STXBP3: variants seen among roughly 807,000 people sequenced by gnomAD.
STXBP3 encodes the protein syntaxin binding protein 3.
Under a neutral mutation model 85.7 loss-of-function variants are expected in STXBP3, and 41 were observed. The ratio of observed to expected loss-of-function variants is 0.48; its 90% CI spans 0.37 to 0.62. The LOEUF (loss-of-function observed/expected upper bound fraction) is 0.62. STXBP3 is among the 20% of genes least tolerant of loss of function. The pLI, the probability that STXBP3 is intolerant of heterozygous loss-of-function variation, is 0.00. For missense variants in STXBP3, 563 were observed against 703.1 expected, an observed-to-expected ratio of 0.80 and a Z score of 2.25; for synonymous variants, 229 against 231.7, an observed-to-expected ratio of 0.99 and a Z score of 0.10.
chr1:108,756,788 A>G, intron 4 of STXBP3, 22 bp downstream of exon 4: 2 of 1,542,772 alleles, frequency 1.3e-6, no homozygotes, highest in South Asian at 2.5e-5. Context: ...GAGACCTTAA[A>G]AAGCAGGTTC....
In STXBP3 at chr1:108,807,537, G is replaced by A. The variant is rs771539840; in HGVS notation, c.1672G>A (p.Glu558Lys). Residue 558 changes from glutamate (E) to lysine (K), a missense_variant, in exon 18 of 19, where the codon GAA becomes AAA. By Grantham distance (56) the Glu-to-Lys change is moderately conservative. Coordinates refer to ENST00000370008, the MANE Select transcript of STXBP3 (RefSeq NM_007269.4). ...AGTTTCTCAGGCACATAAATCCTGT[G>A]AAGTTATTATTGGTAAGACTTTCAT... is the stretch of plus-strand genomic sequence containing the variant. ...YEVSQAHKSC[E>K]VIIGSTHVLT... 7 of 1,589,036 alleles carry A rather than the reference G, an allele frequency of 4.4e-6. No individual in the cohort carries two copies. In the African/African-American group the frequency reaches 9.6e-5, roughly 22 times the overall value.
chr1:108,791,043 G>A (rs1362972581), intron 11 of STXBP3, among the ~76,000 whole-genome samples: 2 of 152,044 alleles, frequency 1.3e-5, no homozygotes, highest in African/African-American at 2.4e-5. Flanking sequence ...TTCCAGCTGG[G>A]TTAGATTGAA....
chr1:108,806,053 C>G (rs1663324120), intron 17 of STXBP3, among the ~76,000 whole-genome samples: 1 of 152,170 alleles, frequency 6.6e-6, no homozygotes, highest in African/African-American at 2.4e-5. Context: ...CTAATATATA[C>G]TAGTACACAT....
At chr1:108,806,954 T>TA (rs1663349549) in intron 17 of STXBP3, among the ~76,000 whole-genome samples, 1 of 152,152 alleles carries the variant, frequency 6.6e-6, no homozygotes, top group African/African-American at 2.4e-5. Context: ...GTCATTTCCT[T>TA]AAAAATCAAT....
intron 5 of STXBP3, 38 bp from the exon 6 acceptor site, chr1:108,759,947 T>C (rs778804080): frequency 2.3e-5 from 28 of 1,234,308 alleles, no homozygotes; most frequent in Non-Finnish European, 3.0e-5. Context: ...GAATAAAATC[T>C]AGATGTAACT....
intron 17 of STXBP3, 132 bp from the exon 18 acceptor site, chr1:108,807,269 A>T (rs1570778717): frequency 3.8e-6 from 1 of 264,768 alleles, no homozygotes. Flanking sequence ...AAAAAAAAAA[A>T]AAAAAAAAAA....
intron 6 of STXBP3, among the ~76,000 whole-genome samples, chr1:108,769,092 C>G (rs1557804660): frequency 2.8e-5 from 2 of 71,800 alleles, no homozygotes; most frequent in Non-Finnish European, 7.4e-5. Context: ...TAGAATAACA[C>G]ATATTTTAAT....
chr1:108,758,622 C>A lies in STXBP3; in HGVS notation c.337+34C>A. 3.8e-6 allele frequency: 5 copies of A among 1,307,952 alleles called. No homozygotes were observed. In the South Asian group the frequency reaches 5.0e-5, roughly 13 times the overall value. The allele number at this position is 1,307,952 out of a possible 1,614,324, so 81.0% of individuals were successfully genotyped here. On this transcript the variant is annotated intron_variant, in intron 5 of 18. Coordinates refer to ENST00000370008, the MANE Select transcript of STXBP3 (RefSeq NM_007269.4). ...TTTAAAAAGTTATTGCTTCATTGTT[C>A]AAAATGCCATTGGTTTTAAACTGTC...
At chr1:108,758,631 A>G (rs750062775) in intron 5 of STXBP3, 43 bp downstream of exon 5, 8 of 1,167,812 alleles carry the variant, frequency 6.9e-6, no homozygotes, top group South Asian at 5.5e-5. Flanking sequence ...TCAAAATGCC[A>G]TTGGTTTTAA....
chr1:108,751,286 A>G (rs1490796066), intron 1 of STXBP3, among the ~76,000 whole-genome samples: 1 of 152,126 alleles, frequency 6.6e-6, no homozygotes, highest in Non-Finnish European at 1.5e-5. Flanking sequence ...GGAGATTCCA[A>G]GGTCTTTAGG....
chr1:108,774,204 G>A (rs1052751242), intron 7 of STXBP3, among the ~76,000 whole-genome samples: 2 of 151,952 alleles, frequency 1.3e-5, no homozygotes, highest in African/African-American at 2.4e-5. Flanking sequence ...TTTAATTTTG[G>A]TCTGCTAGTT....
In STXBP3 at chr1:108,772,374, CAT is replaced by C. The variant is rs1662479356; in HGVS notation, c.439-288_439-287del. ...ATGATATCTGTATCATATATAAATA[CAT>C]ATGATATCTGTATATATAAATACAT... is the stretch of plus-strand genomic sequence containing the variant. On this transcript the variant is annotated intron_variant, in intron 6 of 18. Transcript: ENST00000370008. 4.0e-5 allele frequency among the ~76,000 whole-genome samples: 2 copies of C among 49,698 alleles called. 1 individual carries two copies. Among genetic ancestry groups the C allele is most frequent in the Non-Finnish European group, 9.4e-5 (2 of 21,246 alleles). The allele number at this position is 49,698 out of a possible 152,430, so 32.6% of individuals were successfully genotyped here.
Position 108,746,687 on chromosome 1 carries a change from A to G in STXBP3, c.-51A>G. ...CACCCCAACGCCGCTTCTGCGGCCA[A>G]AGTAGGTTGGGAGTGGAAGGTGGTG... On this transcript the variant is annotated 5_prime_UTR_variant, in exon 1 of 19. Coordinates refer to ENST00000370008, the MANE Select transcript of STXBP3 (RefSeq NM_007269.4). The G allele has an allele frequency of 6.5e-7, 1 of 1,547,554 alleles. No homozygotes were observed. The highest frequency in any genetic ancestry group is 8.7e-7 in the Non-Finnish European group (1 of 1,145,040).
At chr1:108,782,385 AAAATC>A in intron 9 of STXBP3, 32 bp from the exon 10 acceptor site, 1 of 1,499,420 alleles carries the variant, frequency 6.7e-7, no homozygotes, top group Non-Finnish European at 9.1e-7. Context: ...TGGAGGGAAA[AAAATC>A]AAAAAGTTTT....
At chr1:108,776,563 TAACA>T (rs1358060925) in intron 8 of STXBP3, 140 bp downstream of exon 8, 1 of 541,232 alleles carries the variant, frequency 1.8e-6, no homozygotes, top group Non-Finnish European at 3.2e-6. Flanking sequence ...TGAGAATCAT[TAACA>T]TACACAATCG....
chr1:108,766,341 A>G (rs1344475431), intron 6 of STXBP3, among the ~76,000 whole-genome samples: 1 of 152,190 alleles, frequency 6.6e-6, no homozygotes, highest in Non-Finnish European at 1.5e-5. Context: ...AAATTTCACT[A>G]TGAAATGCTT....
intron 6 of STXBP3, among the ~76,000 whole-genome samples, chr1:108,768,954 A>C (rs936774400): frequency 1.3e-5 from 2 of 152,164 alleles, no homozygotes; most frequent in African/African-American, 4.8e-5. Context: ...TGATCCTTGA[A>C]TAACATAGGG....
chr1:108,758,390 A>T, intron 4 of STXBP3, 120 bp from the exon 5 acceptor site: 1 of 456,218 alleles, frequency 2.2e-6, no homozygotes. Context: ...TATAAATTAA[A>T]CTTTTAGCCA....
chr1:108,794,709 G>A, intron 12 of STXBP3, 118 bp from the exon 13 acceptor site: 1 of 775,562 alleles, frequency 1.3e-6, no homozygotes, highest in Non-Finnish European at 2.1e-6. Flanking sequence ...TTGCTTACAT[G>A]TTACCTTCTT....
Sources: allele counts gnomAD v4.1 joint callset (sites outside exome capture counted in the v4.1 genomes callset), GRCh38; gene constraint gnomAD v4.1.1; transcripts MANE v1.5; gene names NCBI Gene and HGNC (gene_info 2026-07-23, HGNC 2026-07-21).